OVGP1: variants seen among roughly 807,000 people sequenced by gnomAD.
The protein encoded by OVGP1 is oviduct-specific glycoprotein.
In OVGP1, 26 loss-of-function variants were observed where a neutral mutation model predicts 48.2. The observed-to-expected ratio is 0.54, with a 90% CI of 0.40 to 0.75. OVGP1 has a LOEUF of 0.75. OVGP1 is among the 30% of genes least tolerant of loss of function. The pLI is 0.00. For missense variants in OVGP1, 791 were observed against 820.6 expected, an observed-to-expected ratio of 0.96 and a Z score of 0.44; for synonymous variants, 294 against 305.7, an observed-to-expected ratio of 0.96 and a Z score of 0.40.
At position 111,415,252 on chromosome 1, in the gene OVGP1, A is replaced by C. The variant is rs754440318; in HGVS notation, c.1249T>G (p.Trp417Gly). 1.9e-6 allele frequency: 3 copies of C among 1,614,084 alleles called. No individual in the cohort carries two copies. In the African/African-American group the frequency reaches 4.0e-5, roughly 22 times the overall value. The change falls in exon 11 of 11, where the codon TGG (tryptophan) becomes GGG (glycine). Residue 417 changes from tryptophan to glycine, a missense_variant. Physicochemically the swap from Trp to Gly is radical, Grantham distance 184. Transcript: ENST00000369732. ...GGCAAAATCTTACTATCAGTGGTCC[A>C]TGCCGTGGTCACAGCCAGCCTTTCA... Reference protein sequence around the residue: ...DPERLAVTTAWTTDSKILPPG... With the variant: ...DPERLAVTTAGTTDSKILPPG...
rs917725998 is a variant in OVGP1, at chr1:111,427,222, G to A, written c.26-131C>T. On this transcript the variant is annotated intron_variant, in intron 1 of 10. Coordinates refer to ENST00000369732, the MANE Select transcript of OVGP1 (RefSeq NM_002557.4). Reference sequence around the variant, plus strand: ...TTATGCAGATGCAGACACACAAATGGGGACACACACACCATTTACTCGTTT... The same window carrying A: ...TTATGCAGATGCAGACACACAAATGAGGACACACACACCATTTACTCGTTT... 4 of 1,531,944 alleles carry A rather than the reference G, an allele frequency of 2.6e-6. No individual in the cohort carries two copies. The African/African-American group carries it at 4.1e-5, about 16-fold the overall frequency. 94.9% of individuals were successfully genotyped at this position (1,531,944 alleles called of 1,614,324 possible).
In OVGP1 at chr1:111,421,393, G is replaced by T; in HGVS notation, c.786C>A (p.Thr262=). The T allele has an allele frequency of 1.2e-6, 2 of 1,614,086 alleles. No individual in the cohort carries two copies. The highest frequency in any genetic ancestry group is 1.7e-6 in the Non-Finnish European group (2 of 1,180,002). Residue 262 remains threonine, a synonymous_variant, in exon 8 of 11, where the codon ACC becomes ACA. Coordinates refer to ENST00000369732, the MANE Select transcript of OVGP1 (RefSeq NM_002557.4). ...TGAGGAGGCGAAAGGTACGTCCATA[G>T]GTGGGGATCCCCATGATGAGCTTCT... The part of the protein sequence containing the change: ...PSEKLIMGIP[T]YGRTFRLLKA...
Position 111,427,714 on chromosome 1 carries a change from T to G in OVGP1, c.8A>C (p.Lys3Thr). ...ACACTCACCAACCCACAGCAACAGC[T>G]TCCACATCTCAATGGTCTGATAGCT... MW[K>T]LLLWVGLVLV... Residue 3 changes from lysine (K) to threonine (T), a missense_variant, in exon 1 of 11, where the codon AAG (lysine) becomes ACG (threonine). Lys to Thr is a moderately conservative substitution (Grantham distance 78, BLOSUM62 -1). Coordinates refer to ENST00000369732, the MANE Select transcript of OVGP1 (RefSeq NM_002557.4). 1 of 1,612,812 alleles carries G rather than the reference T, an allele frequency of 6.2e-7. No homozygotes were observed. Among genetic ancestry groups the G allele is most frequent in the Non-Finnish European group, 8.5e-7 (1 of 1,179,746 alleles).
chr1:111,416,360 G>A lies in OVGP1; in HGVS notation c.1119C>T (p.Pro373=). The change falls in exon 10 of 11, where the codon CCC becomes CCT. Residue 373 remains proline (P), a synonymous_variant. Coordinates refer to ENST00000369732, the MANE Select transcript of OVGP1 (RefSeq NM_002557.4). ...GGATATCATTCAATACGTAGACAAGGGGGAAAGGGCCAGTGCCACAGAACG... is the reference window on the plus strand; with the variant it reads ...GGATATCATTCAATACGTAGACAAGAGGGAAAGGGCCAGTGCCACAGAACG... ...RGTFCGTGPF[P]LVYVLNDILV... The A allele has an allele frequency of 6.2e-7, 1 of 1,605,714 alleles. No homozygotes were observed. Among genetic ancestry groups the A allele is most frequent in the Non-Finnish European group, 8.5e-7 (1 of 1,175,844 alleles).
At chr1:111,426,841 C>A in intron 2 of OVGP1, 200 bp from the exon 3 acceptor site, 1 of 1,547,902 alleles carries the variant, frequency 6.5e-7, no homozygotes. Flanking sequence ...AAAACAATGC[C>A]TTGTGAAATC....
chr1:111,420,263 C>CA, intron 8 of OVGP1, among the ~76,000 whole-genome samples: 1 of 152,244 alleles, frequency 6.6e-6, no homozygotes, highest in African/African-American at 2.4e-5. Flanking sequence ...CTATATGCTG[C>CA]AAAAAAGTAG....
Position 111,415,136 on chromosome 1 carries a change from C to T in OVGP1, c.1365G>A (p.Lys455=). Residue 455 remains lysine, a synonymous_variant, in exon 11 of 11, where the codon AAG becomes AAA. Coordinates refer to ENST00000369732, the MANE Select transcript of OVGP1 (RefSeq NM_002557.4). ...TGTGCTTTCCAAGGGATACAGTTTC[C>T]TTTGTAGGGGTCACAGTTGTACCTC... The part of the protein sequence containing the change: ...TPRGTTVTPT[K]ETVSLGKHTV... 1 of 1,614,120 alleles carries T rather than the reference C, an allele frequency of 6.2e-7. No homozygotes were observed. Among genetic ancestry groups the T allele is most frequent in the Non-Finnish European group, 8.5e-7 (1 of 1,180,016 alleles).
intron 9 of OVGP1, among the ~76,000 whole-genome samples, chr1:111,417,761 T>A (rs1652169846): frequency 6.6e-6 from 1 of 152,194 alleles, no homozygotes; most frequent in Non-Finnish European, 1.5e-5. Flanking sequence ...CTTGAGTCAG[T>A]TTCCATGTCC....
Position 111,416,458 on chromosome 1 carries a change from C to G in OVGP1, c.1021G>C (p.Ala341Pro). 6.2e-7 allele frequency: 1 copy of G among 1,600,764 alleles called. No individual in the cohort carries two copies. The highest frequency in any genetic ancestry group is 8.5e-7 in the Non-Finnish European group (1 of 1,173,076). ...AAATGCTCTCGCCTTATAAACCATG[C>G]CTGTAAAAGTAACAGTCAGTCAACC... ...YDNAISFSYK[A>P]WFIRREHFGG... Residue 341 changes from alanine to proline, a missense_variant and splice_region_variant, in exon 10 of 11, where the codon GCA becomes CCA. Physicochemically the swap from Ala to Pro is conservative, Grantham distance 27 (BLOSUM62 -1). Coordinates refer to ENST00000369732, the MANE Select transcript of OVGP1 (RefSeq NM_002557.4).
chr1:111,414,797 A>G lies in OVGP1; in HGVS notation c.1704T>C (p.Ala568=), dbSNP rs1652080862. ...GGACAGTCACCTTTTCACGGGCCAC[A>G]GCCTTCCTTCTAGGGGCCACTGTAT... The part of the protein sequence containing the change: ...RQNTVAPRRK[A]VAREKVTVPS... The change falls in exon 11 of 11, where the codon GCT becomes GCC. Residue 568 remains alanine, a synonymous_variant. Transcript: ENST00000369732. 2 of 1,601,294 alleles carry G rather than the reference A, an allele frequency of 1.2e-6. No individual in the cohort carries two copies. The highest frequency in any genetic ancestry group is 1.7e-4 in the Middle Eastern group (1 of 5,986).
chr1:111,423,710 T>C lies in OVGP1; in HGVS notation c.318-2A>G, dbSNP rs1238759011. ...AATGTGGACAACATAGTGGTGAATC[T>C]GTAGGGAGACCAGGGGTAAGGCAAA... is the stretch of plus-strand genomic sequence containing the variant. On this transcript the variant is annotated splice_acceptor_variant, in intron 4 of 10. Coordinates refer to ENST00000369732, the MANE Select transcript of OVGP1 (RefSeq NM_002557.4). LOFTEE classifies it high-confidence loss of function. 1 of 1,613,558 alleles carries C rather than the reference T, an allele frequency of 6.2e-7. No homozygotes were observed. The highest frequency in any genetic ancestry group is 1.3e-5 in the African/African-American group (1 of 74,888).
intron 9 of OVGP1, among the ~76,000 whole-genome samples, chr1:111,419,145 T>TA (rs1427041037): frequency 6.6e-6 from 1 of 152,172 alleles, no homozygotes; most frequent in Non-Finnish European, 1.5e-5. Context: ...GAACCTGCTA[T>TA]AAGCTTTCTA....
chr1:111,415,733 T>A (rs1236090562), intron 10 of OVGP1, among the ~76,000 whole-genome samples: 1 of 152,180 alleles, frequency 6.6e-6, no homozygotes, highest in Non-Finnish European at 1.5e-5. Flanking sequence ...AGAAGCTTCT[T>A]ATGTCTCTAT....
rs552970171 is a variant in OVGP1, at chr1:111,416,424, G to A, written c.1055C>T (p.Ala352Val). 3.7e-6 allele frequency: 6 copies of A among 1,605,468 alleles called. 1 individual carries two copies. Among genetic ancestry groups the A allele is most frequent in the Admixed American group, 3.4e-5 (2 of 58,666 alleles). The change falls in exon 10 of 11, where the codon GCC becomes GTC. Residue 352 changes from alanine (A) to valine (V), a missense_variant. Coordinates refer to ENST00000369732, the MANE Select transcript of OVGP1 (RefSeq NM_002557.4). ...WFIRREHFGGAMVWTLDMDDV... is the reference protein window; with the variant it reads ...WFIRREHFGGVMVWTLDMDDV... Reference sequence around the variant, plus strand: ...ATCCATGTCCAATGTCCACACCATGGCCCCCCCAAAATGCTCTCGCCTTAT... The same window carrying A: ...ATCCATGTCCAATGTCCACACCATGACCCCCCCAAAATGCTCTCGCCTTAT...
In OVGP1 at chr1:111,422,914, A is replaced by T. The variant is rs750739881; in HGVS notation, c.608+13T>A. ...CACCAATGTCCTGCCCCACCAAAGC[A>T]ATATCCACTCACCTTCCTAGAAAGC... On this transcript the variant is annotated intron_variant, in intron 6 of 10. Transcript: ENST00000369732. The T allele has an allele frequency of 1.9e-6, 3 of 1,613,836 alleles. No homozygotes were observed. Among genetic ancestry groups the T allele is most frequent in the African/African-American group, 1.3e-5 (1 of 74,904 alleles).
intron 10 of OVGP1, 120 bp downstream of exon 10, chr1:111,416,203 C>T (rs1652130026): frequency 8.8e-7 from 1 of 1,136,574 alleles, no homozygotes; most frequent in South Asian, 2.6e-5. Context: ...CCTGGCAAAG[C>T]TTTTTCTCTC....
chr1:111,426,340 G>T, intron 3 of OVGP1, 97 bp downstream of exon 3: 2 of 1,553,174 alleles, frequency 1.3e-6, no homozygotes, highest in Non-Finnish European at 8.8e-7. Flanking sequence ...AGGACTGGAA[G>T]AAATAGAAGA....
At position 111,426,604 on chromosome 1, in the gene OVGP1, C is replaced by G; in HGVS notation, c.93G>C (p.Trp31Cys). The G allele has an allele frequency of 6.2e-7, 1 of 1,613,990 alleles. No homozygotes were observed. The highest frequency in any genetic ancestry group is 8.5e-7 in the Non-Finnish European group (1 of 1,179,972). Residue 31 changes from tryptophan (W) to cysteine (C), a missense_variant, in exon 3 of 11, where the codon TGG becomes TGC. Transcript: ENST00000369732. ...AGGCAGGGCCTGGCCGACTGTGTGC[C>G]CAGTTGGTGAAATAACACACGAGTT... Reference protein sequence around the residue: ...AHKLVCYFTNWAHSRPGPASI... With the variant: ...AHKLVCYFTNCAHSRPGPASI...
At chr1:111,426,364 AC>A in intron 3 of OVGP1, 72 bp downstream of exon 3, 1 of 1,603,700 alleles carries the variant, frequency 6.2e-7, no homozygotes, top group Non-Finnish European at 8.5e-7. Context: ...TTGAAGAGTA[AC>A]AGGAGAAATA....
Sources: allele counts gnomAD v4.1 joint callset (sites outside exome capture counted in the v4.1 genomes callset), GRCh38; gene constraint gnomAD v4.1.1; transcripts MANE v1.5; gene names NCBI Gene and HGNC (gene_info 2026-07-23, HGNC 2026-07-21).